The following ERC1 variants were observed in gnomAD, a reference collection of about 807,000 sequenced individuals.
The protein encoded by ERC1 is RAB6 interacting protein 2.
In ERC1, 56 loss-of-function variants were observed where a neutral mutation model predicts 132.0. The ratio of observed to expected loss-of-function variants is 0.42; its 90% CI spans 0.34 to 0.53. The LOEUF (loss-of-function observed/expected upper bound fraction) is 0.53. ERC1 is among the 20% of genes least tolerant of loss of function. The pLI, the probability that ERC1 is intolerant of heterozygous loss-of-function variation, is 0.03. For synonymous variants in ERC1, 478 were observed against 476.1 expected (o/e 1.00, Z -0.05); for missense variants, 1,202 against 1,349.9 (o/e 0.89, Z 1.72).
chr12:1,236,405 A>G (rs917113362), intron 12 of ERC1, among the ~76,000 whole-genome samples: 5 of 152,290 alleles, frequency 3.3e-5, no homozygotes, highest in South Asian at 2.1e-4. Flanking sequence ...TTCTTTTTCT[A>G]TCAGCCATTC....
At chr12:1,260,952 T>C (rs986050465) in intron 13 of ERC1, among the ~76,000 whole-genome samples, 4 of 152,246 alleles carry the variant, frequency 2.6e-5, no homozygotes, top group South Asian at 4.1e-4. Context: ...CAGAAATCTT[T>C]TTTAAATAAG....
chr12:1,341,088 T>A (rs1166660752), intron 15 of ERC1, among the ~76,000 whole-genome samples: 1 of 70,882 alleles, frequency 1.4e-5, no homozygotes, highest in South Asian at 5.8e-4. Context: ...TTTTTTTTTT[T>A]TTTTTTTTTT....
At chr12:1,083,632 C>A in intron 3 of ERC1, 52 bp downstream of exon 3, 1 of 1,392,046 alleles carries the variant, frequency 7.2e-7, no homozygotes, top group Non-Finnish European at 9.8e-7. Flanking sequence ...TTTTTTTTCA[C>A]TGATTAATCA....
chr12:1,420,578 C>T (rs2092384568), intron 17 of ERC1, among the ~76,000 whole-genome samples: 1 of 152,138 alleles, frequency 6.6e-6, no homozygotes, highest in Non-Finnish European at 1.5e-5. Flanking sequence ...GCCTTAGCCT[C>T]CCGAGTAGCT....
chr12:1,202,591 A>G (rs1180155951), intron 12 of ERC1, among the ~76,000 whole-genome samples: 1 of 152,142 alleles, frequency 6.6e-6, no homozygotes, highest in Non-Finnish European at 1.5e-5. Flanking sequence ...TGGGAAGTAG[A>G]GTTTGCAGTG....
At chr12:1,178,499 G>A (rs1434924997) in intron 8 of ERC1, among the ~76,000 whole-genome samples, 4 of 152,132 alleles carry the variant, frequency 2.6e-5, no homozygotes, top group Admixed American at 2.0e-4. Flanking sequence ...ATAGATAGAG[G>A]AATGGAGATA....
intron 9 of ERC1, among the ~76,000 whole-genome samples, chr12:1,181,665 G>A (rs1333685207): frequency 6.6e-6 from 1 of 151,580 alleles, no homozygotes; most frequent in Admixed American, 6.6e-5. Context: ...AGGCGTGGTG[G>A]CATGCTACTT....
intron 18 of ERC1, among the ~76,000 whole-genome samples, chr12:1,484,180 C>G (rs954650912): frequency 6.6e-6 from 1 of 151,880 alleles, no homozygotes; most frequent in Non-Finnish European, 1.5e-5. Context: ...TAGCGGGCAC[C>G]TGTAGTCCCA....
chr12:1,393,398 G>A (rs2090144213), intron 16 of ERC1, among the ~76,000 whole-genome samples: 1 of 152,102 alleles, frequency 6.6e-6, no homozygotes, highest in Non-Finnish European at 1.5e-5. Flanking sequence ...AGCTGGGCGT[G>A]GTGGTGCACA....
At chr12:1,167,970 T>C (rs149359310) in intron 8 of ERC1, among the ~76,000 whole-genome samples, 2 of 152,082 alleles carry the variant, frequency 1.3e-5, no homozygotes, top group Non-Finnish European at 2.9e-5. Flanking sequence ...CACCTTGGCC[T>C]CCCCAAGTGC....
At chr12:1,445,875 CA>C (rs1163756008) in intron 18 of ERC1, among the ~76,000 whole-genome samples, 1 of 152,142 alleles carries the variant, frequency 6.6e-6, no homozygotes, top group East Asian at 1.9e-4. Context: ...GTAGCTAAAA[CA>C]AAGTAACACA....
intron 1 of ERC1, among the ~76,000 whole-genome samples, chr12:997,763 T>A (rs1592576250): frequency 6.6e-6 from 1 of 152,148 alleles, no homozygotes; most frequent in South Asian, 2.1e-4. Flanking sequence ...GGAAGGAAGG[T>A]ACCAGCCTCA....
chr12:1,177,543 G>C (rs993775104), intron 8 of ERC1, among the ~76,000 whole-genome samples: 1 of 152,170 alleles, frequency 6.6e-6, no homozygotes, highest in Non-Finnish European at 1.5e-5. Context: ...AGAGAGAAGA[G>C]GGAATGATTG....
chr12:1,493,118 T>G lies in ERC1; in HGVS notation c.*2888T>G, dbSNP rs908389947. 13 of 217,266 alleles carry G rather than the reference T, an allele frequency of 6.0e-5. No individual in the cohort carries two copies. The Middle Eastern group carries it at 5.6e-3, about 94-fold the overall frequency. 13.5% of individuals were successfully genotyped at this position (217,266 alleles called of 1,614,324 possible). ...TAACTGAAGAAGCCCAGTGTGAGCT[T>G]CTCATCTTTTCATATACCTCTAACC... On this transcript the variant is annotated 3_prime_UTR_variant, in exon 19 of 19. Coordinates refer to ENST00000360905, the MANE Select transcript of ERC1 (RefSeq NM_178040.4).
chr12:1,394,691 A>G (rs2090385884), intron 16 of ERC1, among the ~76,000 whole-genome samples: 1 of 152,172 alleles, frequency 6.6e-6, no homozygotes, highest in African/African-American at 2.4e-5. Flanking sequence ...TCCTGCCACC[A>G]TGTAGAAAAG....
intron 17 of ERC1, among the ~76,000 whole-genome samples, chr12:1,412,849 A>G (rs2154396293): frequency 6.6e-6 from 1 of 152,358 alleles, no homozygotes; most frequent in East Asian, 1.9e-4. Flanking sequence ...TGTCATCATT[A>G]ACTTAGATCC....
intron 12 of ERC1, among the ~76,000 whole-genome samples, chr12:1,229,815 A>T (rs1487870660): frequency 1.3e-5 from 2 of 151,432 alleles, no homozygotes; most frequent in African/African-American, 4.9e-5. Context: ...TTATTTCCTT[A>T]CTTTAGCTAA....
chr12:1,460,824 C>G (rs2093629255), intron 18 of ERC1, among the ~76,000 whole-genome samples: 1 of 151,186 alleles, frequency 6.6e-6, no homozygotes, highest in Non-Finnish European at 1.5e-5. Context: ...ATGTGACATC[C>G]TAACTTGAAC....
intron 1 of ERC1, among the ~76,000 whole-genome samples, chr12:1,015,926 A>G (rs1159477592): frequency 1.3e-5 from 2 of 151,862 alleles, no homozygotes; most frequent in East Asian, 1.9e-4. Context: ...ATCAGGTTGG[A>G]CTAGTAATTT....
Sources: allele counts gnomAD v4.1 joint callset (sites outside exome capture counted in the v4.1 genomes callset), GRCh38; gene constraint gnomAD v4.1.1; transcripts MANE v1.5; gene names NCBI Gene and HGNC (gene_info 2026-07-23, HGNC 2026-07-21).